Variants in PEX7 observed in about 807,000 individuals in gnomAD.
The protein encoded by PEX7 is PTS2 receptor.
In PEX7, 34 loss-of-function variants were observed where a neutral mutation model predicts 47.5. That is an observed-to-expected ratio of 0.72 (90% confidence interval 0.54 to 0.95). PEX7 has a LOEUF of 0.95. PEX7 is among the 40% of genes least tolerant of loss of function. PEX7 has a pLI of 0.00. For missense variants in PEX7, 394 were observed against 400.3 expected, an observed-to-expected ratio of 0.98 and a Z score of 0.13; for synonymous variants, 141 against 148.8, an observed-to-expected ratio of 0.95 and a Z score of 0.38.
At chr6:136,837,705 G>A (rs530775306) in intron 3 of PEX7, among the ~76,000 whole-genome samples, 34 of 152,162 alleles carry the variant, frequency 2.2e-4, no homozygotes, top group East Asian at 7.7e-4. Context: ...ATGAAAGGCC[G>A]CTGGAGACAT....
Position 136,839,244 on chromosome 6 carries a change from T to A in PEX7, c.340-6371T>A, listed in dbSNP as rs143086992. 4.0e-3 allele frequency among the ~76,000 whole-genome samples: 603 copies of A among 152,312 alleles called. 3 individuals are homozygous for A. The highest frequency in any genetic ancestry group is 0.014 in the African/African-American group (581 of 41,570). ...CTTAAAAGAAATATATAGCCCTTTC[T>A]AATCACTCAGTAATTAAAAGTCAGT... On this transcript the variant is annotated intron_variant, in intron 3 of 9. Coordinates refer to ENST00000318471, the MANE Select transcript of PEX7 (RefSeq NM_000288.4).
At chr6:136,848,561 G>T (rs11754982) in intron 5 of PEX7, among the ~76,000 whole-genome samples, 5,381 of 147,652 alleles carry the variant, frequency 0.036, 121 homozygotes, top group Middle Eastern at 0.069. Flanking sequence ...TAGCACGAAG[G>T]GCTGTTCAAT....
chr6:136,857,262 A>T (rs967008840), intron 5 of PEX7, among the ~76,000 whole-genome samples: 1 of 152,240 alleles, frequency 6.6e-6, no homozygotes, highest in Non-Finnish European at 1.5e-5. Context: ...ACACTTGTGT[A>T]TTCTTTTACA....
chr6:136,850,781 A>G (rs1774728532), intron 5 of PEX7, among the ~76,000 whole-genome samples: 1 of 152,102 alleles, frequency 6.6e-6, no homozygotes, highest in Non-Finnish European at 1.5e-5. Flanking sequence ...CCTCATGAAT[A>G]AAAATTGTAT....
rs1418449819 is a variant in PEX7 at position 136,822,595 on chromosome 6, C to A, written c.-71C>A. The A allele has an allele frequency of 1.1e-5, 15 of 1,394,274 alleles. No homozygotes were observed. Among genetic ancestry groups the A allele is most frequent in the Admixed American group, 2.0e-5 (1 of 50,094 alleles). The allele number at this position is 1,394,274 out of a possible 1,614,324, so 86.4% of individuals were successfully genotyped here. On this transcript the variant is annotated 5_prime_UTR_variant, in exon 1 of 10. Transcript: ENST00000318471. ...GTCCGGTCTGCCTGGTCTCTCTAAC[C>A]GCGCCAGTGTGCCTCCGACTCGGAA...
At position 136,859,034 on chromosome 6, in the gene PEX7, G is replaced by A. The variant is rs1293828320; in HGVS notation, c.527-7593G>A. ...AAGATGTATTTTTATGTCTAATCCT[G>A]TTGCACACATGTAGTTAAGTATATC... is the stretch of plus-strand genomic sequence containing the variant. On this transcript the variant is annotated intron_variant, in intron 5 of 9. Transcript: ENST00000318471. Among the ~76,000 whole-genome samples the A allele has an allele frequency of 2.0e-5, 3 of 152,162 alleles. No homozygotes were observed. The East Asian group carries it at 5.8e-4, about 29-fold the overall frequency.
Position 136,900,386 on chromosome 6 carries a change from G to A in PEX7, c.903+2145G>A, listed in dbSNP as rs1312528327. 8.8e-6 allele frequency: 3 copies of A among 342,598 alleles called. No individual in the cohort carries two copies. The highest frequency in any genetic ancestry group is 6.3e-5 in the African/African-American group (3 of 47,794). The allele number at this position is 342,598 out of a possible 1,614,324, so 21.2% of individuals were successfully genotyped here. On this transcript the variant is annotated intron_variant, in intron 9 of 9. Transcript: ENST00000318471. This position sits in a 1 kb window ranked among gnomAD's most constrained non-coding sequence, Gnocchi z 4.2. ...AACTCAACCGTGTACATTTAATCCAGTTTAGTGGCAGGTTCTTTAGCCTTT... is the reference window on the plus strand; with the variant it reads ...AACTCAACCGTGTACATTTAATCCAATTTAGTGGCAGGTTCTTTAGCCTTT...
intron 3 of PEX7, among the ~76,000 whole-genome samples, chr6:136,831,534 C>T (rs1774293900): frequency 6.6e-6 from 1 of 152,220 alleles, no homozygotes; most frequent in African/African-American, 2.4e-5. Context: ...AACAGTCCCC[C>T]AAAGTCTTAA....
rs950419964 is a variant in PEX7 at position 136,900,455 on chromosome 6, G to A, written c.903+2214G>A. On this transcript the variant is annotated intron_variant, in intron 9 of 9. Coordinates refer to ENST00000318471, the MANE Select transcript of PEX7 (RefSeq NM_000288.4). The surrounding 1 kb of genome is among the most constrained non-coding windows in gnomAD (Gnocchi z 4.2). ...GTGTGAGCCACAGACTTGGGACCAA[G>A]GACATTGCCCCCCCAGTGACAGCAG... 13 of 452,474 alleles carry A rather than the reference G, an allele frequency of 2.9e-5. No individual in the cohort carries two copies. The Admixed American group carries it at 3.0e-4, about 10-fold the overall frequency. The allele number at this position is 452,474 out of a possible 1,614,324, so 28.0% of individuals were successfully genotyped here.
At chr6:136,888,277 AGTT>A (rs1392232997) in intron 8 of PEX7, among the ~76,000 whole-genome samples, 2 of 152,156 alleles carry the variant, frequency 1.3e-5, no homozygotes. Flanking sequence ...CTTTTAAGAT[AGTT>A]GTTTTTAATT....
intron 3 of PEX7, among the ~76,000 whole-genome samples, chr6:136,839,666 G>A (rs1164710060): frequency 2.6e-5 from 4 of 152,186 alleles, no homozygotes; most frequent in African/African-American, 9.7e-5. Flanking sequence ...TTGAGTGGGT[G>A]TGGACGGGGA....
At chr6:136,865,400 G>C (rs1775044816) in intron 5 of PEX7, among the ~76,000 whole-genome samples, 1 of 152,240 alleles carries the variant, frequency 6.6e-6, no homozygotes, top group Non-Finnish European at 1.5e-5. Context: ...CCAGGTTCAA[G>C]TGATTCTTCT....
intron 3 of PEX7, among the ~76,000 whole-genome samples, chr6:136,834,221 C>T (rs560486351): frequency 6.6e-6 from 1 of 152,282 alleles, no homozygotes; most frequent in South Asian, 2.1e-4. Context: ...GAGATGGAGT[C>T]TCACTCTGTT....
chr6:136,825,480 G>A (rs1177475015), intron 2 of PEX7, among the ~76,000 whole-genome samples: 5 of 152,076 alleles, frequency 3.3e-5, no homozygotes, highest in Non-Finnish European at 4.4e-5. Flanking sequence ...ATCACTTGAG[G>A]CCGGGAGTTC....
chr6:136,893,962 ATTACAT>A (rs995969925), intron 8 of PEX7, among the ~76,000 whole-genome samples: 1 of 152,258 alleles, frequency 6.6e-6, no homozygotes, highest in Non-Finnish European at 1.5e-5. Flanking sequence ...GAGATTTCAA[ATTACAT>A]TTAGTTAAAG....
At chr6:136,884,995 A>T (rs1451636247) in intron 8 of PEX7, among the ~76,000 whole-genome samples, 2 of 152,218 alleles carry the variant, frequency 1.3e-5, no homozygotes, top group Non-Finnish European at 2.9e-5. Flanking sequence ...TAAGTTAGTT[A>T]ACTTCTCTTC....
intron 9 of PEX7, among the ~76,000 whole-genome samples, chr6:136,911,672 G>T (rs1320735374): frequency 2.0e-5 from 3 of 151,818 alleles, no homozygotes; most frequent in Admixed American, 2.0e-4. Context: ...CTCCTAAAAT[G>T]CTGGGATTAC....
In PEX7 at chr6:136,865,447, C is replaced by T. The variant is rs543206290; in HGVS notation, c.527-1180C>T. 2.8e-4 allele frequency among the ~76,000 whole-genome samples: 43 copies of T among 152,210 alleles called. No homozygotes were observed. The South Asian group carries it at 3.7e-3, about 13-fold the overall frequency. ...CCCAGTAGCTGGGATTACAGGCACC[C>T]GCCACCACCACGCCCAACTAATTTT... On this transcript the variant is annotated intron_variant, in intron 5 of 9. Coordinates refer to ENST00000318471, the MANE Select transcript of PEX7 (RefSeq NM_000288.4).
At position 136,885,374 on chromosome 6, in the gene PEX7, C is replaced by T. The variant is rs969380836; in HGVS notation, c.804-12768C>T. On this transcript the variant is annotated intron_variant, in intron 8 of 9. Coordinates refer to ENST00000318471, the MANE Select transcript of PEX7 (RefSeq NM_000288.4). ...TGATAATAATAAGCCAGACCAAGCA[C>T]TTAATTTTTTTAGACATATGGATTT... Among the ~76,000 whole-genome samples the T allele has an allele frequency of 2.0e-5, 3 of 152,092 alleles. No individual in the cohort carries two copies. In the East Asian group the frequency reaches 5.8e-4, roughly 29 times the overall value.
Sources: allele counts gnomAD v4.1 joint callset (sites outside exome capture counted in the v4.1 genomes callset), GRCh38; gene constraint gnomAD v4.1.1; non-coding constraint Gnocchi (gnomAD v3.1); transcripts MANE v1.5; gene names NCBI Gene and HGNC (gene_info 2026-07-23, HGNC 2026-07-21).